Variants in UBAC2 observed in about 807,000 individuals in gnomAD.
The protein encoded by UBAC2 is ubiquitin-associated domain-containing protein 2.
Under a neutral mutation model 44.0 loss-of-function variants are expected in UBAC2, and 26 were observed. The observed-to-expected ratio is 0.59, with a 90% confidence interval of 0.43 to 0.82. The LOEUF is 0.82. UBAC2 is among the 40% of genes least tolerant of loss of function. The probability of loss-of-function intolerance (pLI) is 0.00; values close to 1 mark genes in which losing one functional copy is unlikely to be tolerated. For missense variants in UBAC2, 329 were observed against 419.4 expected (o/e 0.78, Z 1.88); for synonymous variants, 155 against 154.3 (o/e 1.00, Z -0.04).
intron 6 of UBAC2, among the ~76,000 whole-genome samples, chr13:99,319,196 T>C (rs1040739515): frequency 5.3e-5 from 8 of 152,228 alleles, no homozygotes; most frequent in African/African-American, 1.9e-4. Context: ...TTGTCCTAAA[T>C]TCTCTGTGAG....
intron 2 of UBAC2, among the ~76,000 whole-genome samples, chr13:99,240,492 G>A (rs752651061): frequency 3.3e-5 from 5 of 152,152 alleles, no homozygotes; most frequent in Admixed American, 6.5e-5. Context: ...TCCCTGAGTA[G>A]AGTATTTTCA....
intron 4 of UBAC2, among the ~76,000 whole-genome samples, chr13:99,284,943 CAGAG>C (rs377350801): frequency 1.1e-4 from 17 of 152,084 alleles, no homozygotes; most frequent in Non-Finnish European, 1.9e-4. Context: ...GTGACACAAG[CAGAG>C]AGAATAAAAT....
chr13:99,284,044 A>G (rs2043988287), intron 4 of UBAC2, among the ~76,000 whole-genome samples: 1 of 152,144 alleles, frequency 6.6e-6, no homozygotes, highest in Non-Finnish European at 1.5e-5. Context: ...ATGCCACTTT[A>G]TTTTTAAAGG....
chr13:99,203,023 T>TTTATTTA (rs373276231), intron 1 of UBAC2, among the ~76,000 whole-genome samples: 35 of 146,422 alleles, frequency 2.4e-4, no homozygotes, highest in South Asian at 4.4e-4. Flanking sequence ...CTTTGTTTTA[T>TTTATTTA]TTTATTTATT....
intron 4 of UBAC2, chr13:99,254,860 T>A (rs2043513176): frequency 6.3e-7 from 1 of 1,585,900 alleles, no homozygotes; most frequent in Non-Finnish European, 8.6e-7. Context: ...GGGATTGAAA[T>A]GAAAGAACCT....
intron 4 of UBAC2, among the ~76,000 whole-genome samples, chr13:99,281,631 GA>G (rs1386528109): frequency 3.3e-5 from 5 of 152,146 alleles, no homozygotes; most frequent in African/African-American, 1.2e-4. Flanking sequence ...ATTGATAAAA[GA>G]AAAATCATGA....
chr13:99,201,557 G>A (rs762259955), intron 1 of UBAC2: 3 of 1,614,098 alleles, frequency 1.9e-6, no homozygotes, highest in Admixed American at 3.3e-5. Flanking sequence ...CGTGTTAGCG[G>A]TGGTCAGCAG....
At position 99,283,713 on chromosome 13, in the gene UBAC2, C is replaced by CT. The variant is rs71118470; in HGVS notation, c.390-30345dup. 6.4e-5 allele frequency among the ~76,000 whole-genome samples: 4 copies of CT among 62,600 alleles called. 1 individual carries two copies. Among genetic ancestry groups the CT allele is most frequent in the African/African-American group, 2.4e-4 (4 of 16,666 alleles). 41.1% of individuals were successfully genotyped at this position (62,600 alleles called of 152,430 possible). A position where few individuals can be genotyped will look rare whatever the true frequency, so the allele number is the denominator to read the frequency against. On this transcript the variant is annotated intron_variant, in intron 4 of 8. Coordinates refer to ENST00000403766, the MANE Select transcript of UBAC2 (RefSeq NM_001144072.2). ...CATTTCCTTAATGCCTTAATGCCACCTTTTTTTTTTTTTTTTTTTTTTTTT... is the reference window on the plus strand; with the variant it reads ...CATTTCCTTAATGCCTTAATGCCACCTTTTTTTTTTTTTTTTTTTTTTTTTT...
intron 1 of UBAC2, among the ~76,000 whole-genome samples, chr13:99,208,948 C>T (rs891266598): frequency 5.9e-5 from 9 of 152,238 alleles, no homozygotes; most frequent in African/African-American, 2.2e-4. Context: ...CTCCTCAGCA[C>T]CTAGGAACTT....
At chr13:99,214,780 A>G (rs1370917593) in intron 1 of UBAC2, among the ~76,000 whole-genome samples, 2 of 151,984 alleles carry the variant, frequency 1.3e-5, no homozygotes, top group African/African-American at 2.4e-5. Flanking sequence ...TTTTGGGGGA[A>G]TAAATAAATT....
chr13:99,266,848 T>C (rs2043750356), intron 4 of UBAC2, among the ~76,000 whole-genome samples: 2 of 152,188 alleles, frequency 1.3e-5, no homozygotes, highest in Non-Finnish European at 2.9e-5. Context: ...ATCTCTTCAG[T>C]CCCTACTTTC....
intron 1 of UBAC2, among the ~76,000 whole-genome samples, chr13:99,212,968 A>G (rs1164022918): frequency 6.6e-6 from 1 of 152,266 alleles, no homozygotes; most frequent in Non-Finnish European, 1.5e-5. Context: ...TGTAGTGTAG[A>G]AGGGATTAGT....
chr13:99,353,171 A>G (rs2045122826), intron 7 of UBAC2, among the ~76,000 whole-genome samples: 2 of 152,260 alleles, frequency 1.3e-5, no homozygotes, highest in Admixed American at 1.3e-4. Flanking sequence ...TTATAAGTAT[A>G]TAGCATCAGA....
chr13:99,346,092 G>T (rs2044975311), intron 7 of UBAC2, among the ~76,000 whole-genome samples: 1 of 152,084 alleles, frequency 6.6e-6, no homozygotes, highest in Non-Finnish European at 1.5e-5. Context: ...CTCCCTACCT[G>T]ATGAAAAGCA....
chr13:99,337,776 T>G (rs2044811412), intron 6 of UBAC2, among the ~76,000 whole-genome samples: 1 of 152,156 alleles, frequency 6.6e-6, no homozygotes, highest in African/African-American at 2.4e-5. Context: ...TACACAGCTT[T>G]TCCCTTCTCT....
chr13:99,296,203 A>G, intron 4 of UBAC2: 3 of 1,483,250 alleles, frequency 2.0e-6, no homozygotes, highest in Non-Finnish European at 2.7e-6. Flanking sequence ...GTAAAAGCAT[A>G]TGTATTCAGT....
At chr13:99,366,459 C>T (rs2045331957) in intron 7 of UBAC2, among the ~76,000 whole-genome samples, 1 of 152,182 alleles carries the variant, frequency 6.6e-6, no homozygotes. Context: ...CCTTCGATAT[C>T]TCCATCCCAA....
chr13:99,260,440 G>A (rs1005656501), intron 4 of UBAC2, among the ~76,000 whole-genome samples: 6 of 152,122 alleles, frequency 3.9e-5, no homozygotes, highest in African/African-American at 1.4e-4. Context: ...TAAATGTCTG[G>A]GCCTTGAGTC....
Position 99,340,541 on chromosome 13 carries a change from AG to A in UBAC2, c.786del (p.Arg263GlyfsTer10). 1 of 1,614,044 alleles carries A rather than the reference AG, an allele frequency of 6.2e-7. No individual in the cohort carries two copies. The highest frequency in any genetic ancestry group is 8.5e-7 in the Non-Finnish European group (1 of 1,179,884). ...AGCTGATGTTCTCTCAGTTTGCACA[AG>A]GGAGGCGACAGAGACAGCAGCAGGT... is the stretch of plus-strand genomic sequence containing the variant. Reference protein sequence around the residue: ...RQLMFSQFAQGRRQRQQQGGM... With the variant: ...RQLMFSQFAQXRRQRQQQGGM... On this transcript the variant is annotated frameshift_variant, in exon 7 of 9. Coordinates refer to ENST00000403766, the MANE Select transcript of UBAC2 (RefSeq NM_001144072.2). LOFTEE classifies it high-confidence loss of function.
Sources: allele counts gnomAD v4.1 joint callset (sites outside exome capture counted in the v4.1 genomes callset), GRCh38; gene constraint gnomAD v4.1.1; transcripts MANE v1.5; gene names NCBI Gene and HGNC (gene_info 2026-07-23, HGNC 2026-07-21).